Variants in RAD51B observed in about 807,000 individuals in gnomAD.
The protein encoded by RAD51B is DNA repair protein RAD51 homolog 2.
RAD51B carries 38 observed loss-of-function variants against 42.2 expected under a neutral mutation model. The ratio of observed to expected loss-of-function variants is 0.90; its 90% CI spans 0.70 to 1.18. RAD51B has a LOEUF of 1.18. Among genes scored for constraint, RAD51B ranks in the 50% most tolerant of loss-of-function variants. The pLI is 0.00. For synonymous variants in RAD51B, 154 were observed against 145.2 expected (o/e 1.06, Z -0.43); for missense variants, 373 against 400.7 (o/e 0.93, Z 0.59).
intron 8 of RAD51B, among the ~76,000 whole-genome samples, chr14:68,302,118 G>GGGT (rs1363341044): frequency 2.6e-5 from 4 of 152,318 alleles, no homozygotes; most frequent in South Asian, 2.1e-4. Flanking sequence ...CTTCACACAA[G>GGGT]GGTGGTGACT....
rs2140254522 is a variant in RAD51B at position 68,477,630 on chromosome 14, T to C, written c.1037-18T>C. On this transcript the variant is annotated intron_variant, in intron 10 of 10. Coordinates refer to ENST00000471583, the MANE Select transcript of RAD51B (RefSeq NM_133510.4). ...TTTTTTTTTTTCAAACTTTCTCTTT[T>C]TTTTTTTTTTCCTTTAGGCCAAGAG... The C allele has an allele frequency of 6.3e-7, 1 of 1,575,326 alleles. No individual in the cohort carries two copies. The highest frequency in any genetic ancestry group is 8.7e-7 in the Non-Finnish European group (1 of 1,155,040).
At chr14:68,125,070 A>G (rs2077728788) in intron 7 of RAD51B, 1 of 152,192 alleles carries the variant, frequency 6.6e-6, no homozygotes, top group Non-Finnish European at 1.5e-5. Context: ...ATGTTACATC[A>G]GGGAGTCATA....
chr14:68,387,555 T>C (rs1290758875), intron 8 of RAD51B, among the ~76,000 whole-genome samples: 1 of 152,262 alleles, frequency 6.6e-6, no homozygotes, highest in Non-Finnish European at 1.5e-5. Context: ...CAGGCATGTT[T>C]TCTGTACGTC....
intron 7 of RAD51B, among the ~76,000 whole-genome samples, chr14:68,179,867 C>T (rs1016719232): frequency 5.9e-5 from 9 of 152,146 alleles, no homozygotes; most frequent in African/African-American, 2.2e-4. Context: ...CCTTACATCA[C>T]ATGGGAGATG....
chr14:68,248,599 A>T (rs2080551080), intron 7 of RAD51B, among the ~76,000 whole-genome samples: 1 of 152,158 alleles, frequency 6.6e-6, no homozygotes, highest in Admixed American at 6.5e-5. Flanking sequence ...ACTACACCAC[A>T]AAGCACCACA....
rs564783699 is a variant in RAD51B at position 67,885,819 on chromosome 14, C to G, written c.453-50C>G. ...ATTAATTAGAGATTCAGCAATGTGG[C>G]TTTAAGTAGAATTGACTGTTTTCGT... On this transcript the variant is annotated intron_variant, in intron 5 of 10. Coordinates refer to ENST00000471583, the MANE Select transcript of RAD51B (RefSeq NM_133510.4). The G allele has an allele frequency of 1.9e-6, 3 of 1,546,646 alleles. No individual in the cohort carries two copies. In the South Asian group the frequency reaches 3.6e-5, roughly 19 times the overall value.
chr14:67,962,807 G>C (rs2140233756), intron 7 of RAD51B, among the ~76,000 whole-genome samples: 1 of 152,232 alleles, frequency 6.6e-6, no homozygotes, highest in Middle Eastern at 3.4e-3. Context: ...AAGTGTGGCA[G>C]TACAACAGAC....
chr14:68,545,229 A>G (rs17755925), intron 10 of RAD51B, among the ~76,000 whole-genome samples: 28,316 of 152,248 alleles, frequency 0.19, 3,370 homozygotes, highest in Non-Finnish European at 0.27. Flanking sequence ...TTCAAAGGCA[A>G]AGACACGGGG....
At chr14:68,282,728 C>T (rs948324749) in intron 7 of RAD51B, among the ~76,000 whole-genome samples, 3 of 152,194 alleles carry the variant, frequency 2.0e-5, no homozygotes, top group Non-Finnish European at 4.4e-5. Flanking sequence ...CCTTTGCTCC[C>T]ATTTTATGCT....
At chr14:68,648,674 A>ACACACAC (rs1892633858) in intron 10 of RAD51B, among the ~76,000 whole-genome samples, 1 of 143,614 alleles carries the variant, frequency 7.0e-6, no homozygotes, top group Non-Finnish European at 1.5e-5. Flanking sequence ...AAAGCACACA[A>ACACACAC]ACACACACAC....
In RAD51B at chr14:68,226,168, T is replaced by C. The variant is rs79662649; in HGVS notation, c.757-65716T>C. Reference sequence around the variant, plus strand: ...AAGGGAACTTGATTGCTGTCTCTGATGTACTGCAATTAGTTGAGTGTTCTT... The same window carrying C: ...AAGGGAACTTGATTGCTGTCTCTGACGTACTGCAATTAGTTGAGTGTTCTT... On this transcript the variant is annotated intron_variant, in intron 7 of 10. Coordinates refer to ENST00000471583, the MANE Select transcript of RAD51B (RefSeq NM_133510.4). Among the ~76,000 whole-genome samples, 643 of 152,342 alleles carry C rather than the reference T, an allele frequency of 4.2e-3. 5 individuals carry two copies. Among genetic ancestry groups the C allele is most frequent in the African/African-American group, 0.015 (606 of 41,578 alleles).
At chr14:68,065,033 T>C (rs1296258491) in intron 7 of RAD51B, among the ~76,000 whole-genome samples, 1 of 152,220 alleles carries the variant, frequency 6.6e-6, no homozygotes, top group Non-Finnish European at 1.5e-5. Context: ...TTTCATTGCT[T>C]TTCATCTTGG....
chr14:67,869,290 C>T (rs2042437917), intron 5 of RAD51B, among the ~76,000 whole-genome samples: 3 of 152,112 alleles, frequency 2.0e-5, no homozygotes, highest in Non-Finnish European at 4.4e-5. Flanking sequence ...GTGAAGAATG[C>T]AGAAGCCTCA....
chr14:67,836,612 T>C (rs1956348), intron 4 of RAD51B, among the ~76,000 whole-genome samples: 50,455 of 151,676 alleles, frequency 0.33, 8,801 homozygotes, highest in Middle Eastern at 0.45. Flanking sequence ...TGCAGGCATG[T>C]ATCACCATGC....
chr14:68,592,703 C>G (rs1890809311), intron 10 of RAD51B, among the ~76,000 whole-genome samples: 1 of 152,192 alleles, frequency 6.6e-6, no homozygotes, highest in Non-Finnish European at 1.5e-5. Context: ...CACATAGATT[C>G]ACTTAATTCA....
chr14:68,284,868 A>C (rs1056294696), intron 7 of RAD51B, among the ~76,000 whole-genome samples: 1 of 152,146 alleles, frequency 6.6e-6, no homozygotes, highest in Non-Finnish European at 1.5e-5. Flanking sequence ...CTCCGTAACA[A>C]ATATTGGGTA....
intron 7 of RAD51B, among the ~76,000 whole-genome samples, chr14:68,001,326 C>T (rs754372551): frequency 3.8e-4 from 58 of 151,934 alleles, no homozygotes; most frequent in Non-Finnish European, 6.6e-4. Context: ...TTTTCTTATT[C>T]CTGATTTCCG....
At chr14:68,654,930 C>G (rs1892778948) in intron 11 of RAD51B, among the ~76,000 whole-genome samples, 1 of 152,190 alleles carries the variant, frequency 6.6e-6, no homozygotes, top group Admixed American at 6.5e-5. Context: ...AAGCCCTCCC[C>G]TCCAGCTCCC....
At chr14:68,416,730 C>T (rs1445146237) in intron 9 of RAD51B, among the ~76,000 whole-genome samples, 1 of 152,112 alleles carries the variant, frequency 6.6e-6, no homozygotes, top group Non-Finnish European at 1.5e-5. Context: ...TTTTGCAGAA[C>T]CAGCCTGCTG....
Sources: allele counts gnomAD v4.1 joint callset (sites outside exome capture counted in the v4.1 genomes callset), GRCh38; gene constraint gnomAD v4.1.1; transcripts MANE v1.5; gene names NCBI Gene and HGNC (gene_info 2026-07-23, HGNC 2026-07-21).